Variants in PTPRN2 observed in about 807,000 individuals in gnomAD.
PTPRN2 encodes the protein receptor-type tyrosine-protein phosphatase N2.
Under a neutral mutation model 118.8 loss-of-function variants are expected in PTPRN2, and 74 were observed. The ratio of observed to expected loss-of-function variants is 0.62; its 90% confidence interval spans 0.52 to 0.76. The LOEUF (loss-of-function observed/expected upper bound fraction) is 0.76. PTPRN2 is among the 30% of genes least tolerant of loss of function. The pLI is 0.00. For synonymous variants in PTPRN2, 641 were observed against 608.0 expected (o/e 1.05, Z -0.80); for missense variants, 1,481 against 1,394.4 (o/e 1.06, Z -0.99).
At chr7:158,467,147 C>T (rs1410660849) in intron 2 of PTPRN2, among the ~76,000 whole-genome samples, 4 of 152,158 alleles carry the variant, frequency 2.6e-5, no homozygotes, top group South Asian at 4.2e-4. Flanking sequence ...CTCTGATGTG[C>T]GTTTCCAATG....
intron 11 of PTPRN2, among the ~76,000 whole-genome samples, chr7:158,073,410 G>A (rs80304421): frequency 0.015 from 2,293 of 152,268 alleles, 33 homozygotes; most frequent in East Asian, 0.078. Flanking sequence ...CTTCAGGGCC[G>A]CACTGGCCTC....
intron 12 of PTPRN2, among the ~76,000 whole-genome samples, chr7:157,842,546 C>A (rs1808507464): frequency 6.6e-6 from 1 of 151,562 alleles, no homozygotes; most frequent in African/African-American, 2.4e-5. Flanking sequence ...TCCTGAGTAG[C>A]TGGAATTACA....
chr7:158,435,578 C>T (rs1586666914), intron 2 of PTPRN2, among the ~76,000 whole-genome samples: 1 of 152,158 alleles, frequency 6.6e-6, no homozygotes, highest in East Asian at 1.9e-4. Flanking sequence ...TGGGTTTTTA[C>T]CCAAAAGAGT....
intron 5 of PTPRN2, among the ~76,000 whole-genome samples, chr7:158,170,063 T>C (rs1823400745): frequency 6.6e-6 from 1 of 152,220 alleles, no homozygotes; most frequent in Non-Finnish European, 1.5e-5. Context: ...ATTGCTTAAA[T>C]TTGTCCAAGG....
chr7:158,393,379 G>A (rs1009420361), intron 2 of PTPRN2, among the ~76,000 whole-genome samples: 1 of 152,170 alleles, frequency 6.6e-6, no homozygotes, highest in Non-Finnish European at 1.5e-5. Flanking sequence ...CATCACCAGG[G>A]GGCACGTCGG....
At position 157,842,410 on chromosome 7, in the gene PTPRN2, CTTTTTTTTT is replaced by C. The variant is rs11316558; in HGVS notation, c.1788+56254_1788+56262del. Among the ~76,000 whole-genome samples the C allele has an allele frequency of 2.2e-3, 209 of 93,288 alleles. 1 individual carries two copies. Among genetic ancestry groups the C allele is most frequent in the African/African-American group, 7.7e-3 (201 of 26,056 alleles). The allele number at this position is 93,288 out of a possible 152,430, so 61.2% of individuals were successfully genotyped here. The stretch of plus-strand genomic sequence containing the variant: ...CCGCTTTGTGTGCAGATTCAGGAGA[CTTTTTTTTT>C]TTTTTTTTTTTTTGAGACGGTGTCT... On this transcript the variant is annotated intron_variant, in intron 12 of 22. Transcript: ENST00000389418.
chr7:157,862,242 G>T (rs1288532692), intron 12 of PTPRN2, among the ~76,000 whole-genome samples: 1 of 152,256 alleles, frequency 6.6e-6, no homozygotes, highest in African/African-American at 2.4e-5. Context: ...TATGTCCACG[G>T]AAGGTCCCAT....
At chr7:157,864,011 A>G (rs752293182) in intron 12 of PTPRN2, 8 of 152,370 alleles carry the variant, frequency 5.3e-5, no homozygotes, top group Middle Eastern at 3.4e-3. Flanking sequence ...CGCTCTCTGC[A>G]TGTGTGATTC....
intron 12 of PTPRN2, among the ~76,000 whole-genome samples, chr7:157,806,557 T>C (rs1805645949): frequency 6.6e-6 from 1 of 152,156 alleles, no homozygotes; most frequent in Non-Finnish European, 1.5e-5. Context: ...TATACATAGA[T>C]GCATATGTGT....
chr7:158,370,450 AAAAT>A (rs914215734), intron 2 of PTPRN2, among the ~76,000 whole-genome samples: 10 of 147,240 alleles, frequency 6.8e-5, no homozygotes, highest in Non-Finnish European at 1.0e-4. Context: ...ATAAAAAGAA[AAAAT>A]AAATAAAGGC....
intron 11 of PTPRN2, among the ~76,000 whole-genome samples, chr7:158,006,117 TCCTCCTG>T (rs1176362921): frequency 1.3e-5 from 2 of 152,164 alleles, no homozygotes; most frequent in Non-Finnish European, 2.9e-5. Context: ...TGCTGCCCCT[TCCTCCTG>T]CCTCTCCTGG....
At chr7:158,056,328 G>A (rs1037797884) in intron 11 of PTPRN2, among the ~76,000 whole-genome samples, 1 of 152,216 alleles carries the variant, frequency 6.6e-6, no homozygotes, top group Non-Finnish European at 1.5e-5. Context: ...CCGGGAGCAG[G>A]GGGGCACACC....
intron 14 of PTPRN2, among the ~76,000 whole-genome samples, chr7:157,630,789 AAG>A (rs1222712171): frequency 6.6e-6 from 1 of 152,224 alleles, no homozygotes; most frequent in African/African-American, 2.4e-5. Flanking sequence ...AGGAATTAAC[AAG>A]AGTGTGTGAA....
At chr7:158,151,105 TCTGCTCCTACCCCTGC>T (rs1563520807) in intron 6 of PTPRN2, among the ~76,000 whole-genome samples, 247 of 14,384 alleles carry the variant, frequency 0.017, 31 homozygotes, top group African/African-American at 0.045. Flanking sequence ...CGCCCGCCTT[TCTGCTCCTACCCCTGC>T]CCACACCGCC....
intron 11 of PTPRN2, among the ~76,000 whole-genome samples, chr7:157,914,924 A>G (rs1179072101): frequency 6.6e-6 from 1 of 151,962 alleles, no homozygotes; most frequent in Non-Finnish European, 1.5e-5. Context: ...CTCTTCAACT[A>G]TATCTAATCT....
chr7:158,210,221 C>T (rs951861075), intron 3 of PTPRN2, among the ~76,000 whole-genome samples: 6 of 148,386 alleles, frequency 4.0e-5, no homozygotes, highest in Admixed American at 6.8e-5. Flanking sequence ...CTGCAAGCTC[C>T]GCCTCCCGGG....
intron 12 of PTPRN2, among the ~76,000 whole-genome samples, chr7:157,878,100 T>C (rs1320658052): frequency 2.6e-5 from 4 of 152,188 alleles, no homozygotes; most frequent in African/African-American, 7.2e-5. Flanking sequence ...CAAGCCCATC[T>C]CAGCTTTGCT....
intron 10 of PTPRN2, among the ~76,000 whole-genome samples, chr7:158,085,379 CATG>C (rs1563412433): frequency 2.2e-5 from 2 of 92,716 alleles, no homozygotes; most frequent in Non-Finnish European, 2.2e-5. Context: ...CCCATCCACA[CATG>C]CCCATCCACA....
chr7:158,225,366 A>G (rs1307734558), intron 3 of PTPRN2, among the ~76,000 whole-genome samples: 1 of 152,046 alleles, frequency 6.6e-6, no homozygotes, highest in Non-Finnish European at 1.5e-5. Flanking sequence ...GCACCTCTGC[A>G]CCACGGAGCA....
Sources: gnomAD v4.1 joint callset for allele counts (sites outside exome capture counted in the v4.1 genomes callset) on GRCh38, gnomAD v4.1.1 for gene constraint, MANE v1.5 for transcripts, NCBI Gene and HGNC (gene_info 2026-07-23, HGNC 2026-07-21) for gene names.